Variants in STIM2 observed in about 807,000 individuals in gnomAD.
The protein encoded by STIM2 is stromal interaction molecule 2.
Under a neutral mutation model 85.8 loss-of-function variants are expected in STIM2, and 31 were observed. That is an observed-to-expected ratio of 0.36 (90% confidence interval 0.27 to 0.49). The LOEUF (loss-of-function observed/expected upper bound fraction) is 0.49. Among genes scored for constraint, STIM2 ranks in the 20% least tolerant of loss-of-function variants. The probability of loss-of-function intolerance (pLI) is 0.98; values close to 1 mark genes in which losing one functional copy is unlikely to be tolerated. For synonymous variants in STIM2, 356 were observed against 331.1 expected (o/e 1.08, Z -0.82); for missense variants, 841 against 927.6 (o/e 0.91, Z 1.21).
chr4:26,889,793 A>T (rs1723396835), intron 1 of STIM2, among the ~76,000 whole-genome samples: 2 of 152,220 alleles, frequency 1.3e-5, no homozygotes, highest in Non-Finnish European at 2.9e-5. Context: ...GATCTGCAGA[A>T]TGAGTTATTC....
intron 2 of STIM2, among the ~76,000 whole-genome samples, chr4:26,920,801 T>C (rs1302952505): frequency 6.6e-6 from 1 of 152,214 alleles, no homozygotes; most frequent in African/African-American, 2.4e-5. Flanking sequence ...TTACTGTTGC[T>C]TTAAATTTAG....
chr4:27,022,059 T>A (rs1669876789), intron 11 of STIM2, among the ~76,000 whole-genome samples: 1 of 152,202 alleles, frequency 6.6e-6, no homozygotes, highest in Non-Finnish European at 1.5e-5. Context: ...TGTAATTCCT[T>A]TCATGTATAT....
intron 3 of STIM2, among the ~76,000 whole-genome samples, chr4:26,990,834 CA>C (rs1208169467): frequency 6.6e-6 from 1 of 152,084 alleles, no homozygotes; most frequent in African/African-American, 2.4e-5. Flanking sequence ...AAAAAATGTT[CA>C]GCATCACTAA....
intron 2 of STIM2, among the ~76,000 whole-genome samples, chr4:26,949,391 T>C (rs1300676313): frequency 6.6e-6 from 1 of 152,194 alleles, no homozygotes; most frequent in Non-Finnish European, 1.5e-5. Flanking sequence ...TATTTTAACA[T>C]AGTTAAGTAG....
chr4:27,008,451 A>C lies in STIM2; in HGVS notation c.1173A>C (p.Arg391Ser), dbSNP rs758838287. The change falls in exon 9 of 12, where the codon AGA becomes AGC. Residue 391 changes from arginine (R) to serine (S), a missense_variant. Coordinates refer to ENST00000467087, the MANE Select transcript of STIM2 (RefSeq NM_020860.4). ...AGGCAGAAAAAATTAAAAAGAAGAG[A>C]AGCACAGTCTTTGGGACTCTGCACG... 6.3e-7 allele frequency: 1 copy of C among 1,590,288 alleles called. No homozygotes were observed. Among genetic ancestry groups the C allele is most frequent in the East Asian group, 2.3e-5 (1 of 44,116 alleles).
chr4:27,004,572 G>A (rs555281468), intron 7 of STIM2, among the ~76,000 whole-genome samples: 1 of 152,188 alleles, frequency 6.6e-6, no homozygotes, highest in South Asian at 2.1e-4. Context: ...TAAACTGATG[G>A]TAGTACTTCA....
intron 1 of STIM2, among the ~76,000 whole-genome samples, chr4:26,894,145 C>T (rs532488646): frequency 6.6e-6 from 1 of 152,308 alleles, no homozygotes; most frequent in African/African-American, 2.4e-5. Flanking sequence ...CCTCGGCCTC[C>T]CAAAGTGCTG....
At chr4:26,903,391 T>C (rs929751703) in intron 1 of STIM2, among the ~76,000 whole-genome samples, 6 of 152,238 alleles carry the variant, frequency 3.9e-5, no homozygotes, top group Non-Finnish European at 5.9e-5. Flanking sequence ...GAAGTCTCAC[T>C]AGCTGAACGG....
chr4:26,996,314 A>T (rs1255389026), intron 4 of STIM2, among the ~76,000 whole-genome samples: 1 of 152,094 alleles, frequency 6.6e-6, no homozygotes, highest in Non-Finnish European at 1.5e-5. Context: ...CAATGATTCT[A>T]CCAGAATTTT....
intron 1 of STIM2, among the ~76,000 whole-genome samples, chr4:26,863,406 A>C (rs962767358): frequency 2.0e-5 from 3 of 152,184 alleles, no homozygotes; most frequent in Admixed American, 1.3e-4. Context: ...TATTTTAATA[A>C]GTTTATGTAA....
At chr4:26,877,934 GTC>G (rs1560191396) in intron 1 of STIM2, among the ~76,000 whole-genome samples, 1 of 152,142 alleles carries the variant, frequency 6.6e-6, no homozygotes, top group East Asian at 1.9e-4. Context: ...TCCCTTTTGT[GTC>G]TCTCTCTTTG....
At chr4:26,928,414 G>GTGATGATAT (rs1725069025) in intron 2 of STIM2, among the ~76,000 whole-genome samples, 1 of 152,176 alleles carries the variant, frequency 6.6e-6, no homozygotes, top group South Asian at 2.1e-4. Context: ...TATACACAGA[G>GTGATGATAT]AAAGTATCAA....
intron 2 of STIM2, among the ~76,000 whole-genome samples, chr4:26,946,195 T>C (rs1011917870): frequency 1.3e-5 from 2 of 152,216 alleles, no homozygotes; most frequent in Non-Finnish European, 2.9e-5. Context: ...ATATTAAAGT[T>C]ATTTCAATAA....
intron 1 of STIM2, among the ~76,000 whole-genome samples, chr4:26,887,467 C>A (rs1220395474): frequency 2.0e-5 from 3 of 152,108 alleles, no homozygotes; most frequent in Non-Finnish European, 4.4e-5. Context: ...TCATTAGCTC[C>A]TCAGATACTT....
intron 1 of STIM2, 165 bp downstream of exon 1, chr4:26,861,534 C>T: frequency 1.8e-6 from 2 of 1,102,804 alleles, no homozygotes; most frequent in South Asian, 8.5e-5. Flanking sequence ...GCACTCCGGA[C>T]GTCTTTCCTT....
intron 8 of STIM2, chr4:27,008,130 T>C (rs931418402): frequency 1.0e-4 from 62 of 622,418 alleles, no homozygotes; most frequent in Non-Finnish European, 1.7e-5. Context: ...TGTAGTATAA[T>C]ATAGCTAATG....
intron 3 of STIM2, among the ~76,000 whole-genome samples, chr4:26,966,728 T>TA (rs1322387522): frequency 1.3e-5 from 2 of 152,104 alleles, no homozygotes; most frequent in African/African-American, 4.8e-5. Context: ...ATATATTACA[T>TA]ATATAAATGT....
chr4:26,881,984 G>GTATTTGTATGTATTTACTGACAAAT (rs1723031375), intron 1 of STIM2, among the ~76,000 whole-genome samples: 1 of 152,180 alleles, frequency 6.6e-6, no homozygotes, highest in South Asian at 2.1e-4. Context: ...CTGACAGATT[G>GTATTTGTATGTATTTACTGACAAAT]CTTTCTGGAA....
At chr4:26,980,117 A>G (rs1269252033) in intron 3 of STIM2, among the ~76,000 whole-genome samples, 1 of 152,162 alleles carries the variant, frequency 6.6e-6, no homozygotes, top group Non-Finnish European at 1.5e-5. Context: ...TAAAATGGCA[A>G]ATGGGTTCAG....
Sources: gnomAD v4.1 joint callset for allele counts (sites outside exome capture counted in the v4.1 genomes callset) on GRCh38, gnomAD v4.1.1 for gene constraint, MANE v1.5 for transcripts, NCBI Gene and HGNC (gene_info 2026-07-23, HGNC 2026-07-21) for gene names.